The following RANBP9 variants were observed in gnomAD, a reference collection of about 807,000 sequenced individuals.
The protein encoded by RANBP9 is RAN binding protein 9, also known as ran-binding protein 9.
RANBP9 carries 15 observed loss-of-function variants against 84.3 expected under a neutral mutation model. That is an observed-to-expected ratio of 0.18 (90% confidence interval 0.12 to 0.27). The LOEUF (loss-of-function observed/expected upper bound fraction) is 0.27, where lower values mean the gene tolerates loss of function less well. Among genes scored for constraint, RANBP9 ranks in the 10% least tolerant of loss-of-function variants. RANBP9 has a pLI of 1.00. For synonymous variants in RANBP9, 392 were observed against 349.6 expected (o/e 1.12, Z -1.35); for missense variants, 809 against 912.8 (o/e 0.89, Z 1.46).
Position 13,711,388 on chromosome 6 carries a change from C to T in RANBP9, c.118G>A (p.Ala40Thr), listed in dbSNP as rs1317928870. The change falls in exon 1 of 14, where the codon GCC becomes ACC. Residue 40 changes from alanine (A) to threonine (T), a missense_variant. Coordinates refer to ENST00000011619, the MANE Select transcript of RANBP9 (RefSeq NM_005493.3). ...VSGVVLPAPP[A>T]VSAGSSPAGS... ...GCCGGAGAAGAGCCGGCGCTGACGG[C>T]CGGGGGCGCCGGCAGGACGACTCCG... is the stretch of plus-strand genomic sequence containing the variant. 50 of 1,175,842 alleles carry T rather than the reference C, an allele frequency of 4.3e-5. No individual in the cohort carries two copies. Among genetic ancestry groups the T allele is most frequent in the Admixed American group, 9.2e-5 (2 of 21,704 alleles). 72.8% of individuals were successfully genotyped at this position (1,175,842 alleles called of 1,614,324 possible).
chr6:13,711,646 G>T lies in RANBP9; in HGVS notation c.-141C>A. 1.4e-6 allele frequency: 1 copy of T among 719,018 alleles called. No individual in the cohort carries two copies. The highest frequency in any genetic ancestry group is 1.9e-6 in the Non-Finnish European group (1 of 538,682). The allele number at this position is 719,018 out of a possible 1,614,324, so 44.5% of individuals were successfully genotyped here. A position where few individuals can be genotyped will look rare whatever the true frequency, so the allele number is the denominator to read the frequency against. ...AAGCAGGCGGCGGGCCGCGCGCCCA[G>T]GGAGACCGCGGCGGTTGAGGAGCTC... On this transcript the variant is annotated 5_prime_UTR_variant, in exon 1 of 14. It adds an upstream start codon to the 5' untranslated region. Coordinates refer to ENST00000011619, the MANE Select transcript of RANBP9 (RefSeq NM_005493.3).
intron 2 of RANBP9, among the ~76,000 whole-genome samples, chr6:13,676,029 A>T (rs1171599040): frequency 3.9e-5 from 6 of 152,106 alleles, no homozygotes; most frequent in African/African-American, 9.7e-5. Flanking sequence ...GAAGAGGAAG[A>T]ACTCTGGTAA....
At position 13,711,476 on chromosome 6, in the gene RANBP9, C is replaced by G; in HGVS notation, c.30G>C (p.Pro10=). MSGQPPPPP[P]QQQQQQQQLS... ...GCTGCTGCTGCTGTTGCTGCTGCTG[C>G]GGCGGCGGCGGCGGCGGCTGCCCGG... Residue 10 remains proline (P), a synonymous_variant, in exon 1 of 14, where the codon CCG becomes CCC. Transcript: ENST00000011619. 2 of 1,208,158 alleles carry G rather than the reference C, an allele frequency of 1.7e-6. No individual in the cohort carries two copies. Among genetic ancestry groups the G allele is most frequent in the Non-Finnish European group, 2.1e-6 (2 of 971,208 alleles). 74.8% of individuals were successfully genotyped at this position (1,208,158 alleles called of 1,614,324 possible). A position where few individuals can be genotyped will look rare whatever the true frequency, so the allele number is the denominator to read the frequency against.
chr6:13,688,156 TGAGA>T (rs1174819686), intron 2 of RANBP9, among the ~76,000 whole-genome samples: 4 of 152,198 alleles, frequency 2.6e-5, no homozygotes, highest in Admixed American at 6.5e-5. Context: ...TTTCACAGAC[TGAGA>T]GAGTCTGTCA....
chr6:13,696,785 C>T lies in RANBP9; in HGVS notation c.683G>A (p.Gly228Asp). Residue 228 changes from glycine (G) to aspartate (D), a missense_variant and splice_region_variant, in exon 2 of 14, where the codon GGT (glycine) becomes GAT (aspartate). Transcript: ENST00000011619. ...ATTTTTCTCACCAAAATTTACTTAC[C>T]CATCTCTTCCCTTACTGACAATTTT... The part of the protein sequence containing the change: ...EVKIVSKGRD[G>D]YMGIGLSAQG... The T allele has an allele frequency of 6.3e-7, 1 of 1,596,822 alleles. No homozygotes were observed. Among genetic ancestry groups the T allele is most frequent in the Non-Finnish European group, 8.6e-7 (1 of 1,168,826 alleles).
chr6:13,637,094 T>TTCAAATAATGTCACTTTCAAATAATG (rs1215858161), intron 10 of RANBP9, among the ~76,000 whole-genome samples: 1 of 152,190 alleles, frequency 6.6e-6, no homozygotes, highest in Non-Finnish European at 1.5e-5. Context: ...TAGTATTTAA[T>TTCAAATAATGTCACTTTCAAATAATG]TCAAATAATG....
chr6:13,637,024 A>T (rs1188431043), intron 10 of RANBP9, among the ~76,000 whole-genome samples: 1 of 152,202 alleles, frequency 6.6e-6, no homozygotes, highest in East Asian at 1.9e-4. Context: ...CCAATATTAA[A>T]TTGACCCAGT....
intron 1 of RANBP9, among the ~76,000 whole-genome samples, chr6:13,707,479 A>G (rs1367905320): frequency 6.6e-6 from 1 of 152,194 alleles, no homozygotes; most frequent in Non-Finnish European, 1.5e-5. Flanking sequence ...AATCTCAACT[A>G]TTCTTTAAAA....
At chr6:13,640,765 T>TAG (rs1167785283) in intron 8 of RANBP9, among the ~76,000 whole-genome samples, 1 of 152,126 alleles carries the variant, frequency 6.6e-6, no homozygotes, top group African/African-American at 2.4e-5. Flanking sequence ...TAGTGTTTAA[T>TAG]AGAGAGTTTC....
chr6:13,643,327 T>C (rs1161178221), intron 6 of RANBP9, among the ~76,000 whole-genome samples: 3 of 152,204 alleles, frequency 2.0e-5, no homozygotes, highest in African/African-American at 7.2e-5. Flanking sequence ...TTAGAAAAAC[T>C]GGTGATGCAA....
intron 5 of RANBP9, among the ~76,000 whole-genome samples, chr6:13,645,121 C>A (rs984832658): frequency 1.3e-5 from 2 of 152,120 alleles, no homozygotes; most frequent in African/African-American, 4.8e-5. Context: ...ATATATGATA[C>A]ATTTCTATAA....
intron 2 of RANBP9, among the ~76,000 whole-genome samples, chr6:13,675,335 G>A (rs922692438): frequency 6.6e-6 from 1 of 152,066 alleles, no homozygotes; most frequent in African/African-American, 2.4e-5. Flanking sequence ...AATTAAACTA[G>A]AAATCAACAA....
chr6:13,701,089 C>CT (rs1261245612), intron 1 of RANBP9, among the ~76,000 whole-genome samples: 1 of 152,180 alleles, frequency 6.6e-6, no homozygotes, highest in Non-Finnish European at 1.5e-5. Context: ...TCCTCAAACT[C>CT]TTTGTGTTTT....
chr6:13,704,913 T>C (rs1043085832), intron 1 of RANBP9, among the ~76,000 whole-genome samples: 34 of 152,262 alleles, frequency 2.2e-4, no homozygotes, highest in African/African-American at 7.7e-4. Context: ...GCTCCTCCTA[T>C]TTTCCACAGT....
At chr6:13,642,867 T>A (rs182239868) in intron 6 of RANBP9, among the ~76,000 whole-genome samples, 9 of 152,210 alleles carry the variant, frequency 5.9e-5, no homozygotes, top group Non-Finnish European at 8.8e-5. Context: ...AATGACCTTT[T>A]CTTTGATTCT....
chr6:13,682,556 G>A (rs138244898), intron 2 of RANBP9, among the ~76,000 whole-genome samples: 2 of 151,950 alleles, frequency 1.3e-5, no homozygotes, highest in African/African-American at 2.4e-5. Context: ...GGGTTCAAGC[G>A]ATTCTCCAGC....
At chr6:13,638,648 T>A (rs373935895) in intron 9 of RANBP9, among the ~76,000 whole-genome samples, 2 of 151,822 alleles carry the variant, frequency 1.3e-5, no homozygotes, top group African/African-American at 4.8e-5. Context: ...ATCAGAAACA[T>A]TGCGAGACTC....
chr6:13,657,033 T>C (rs1765415089), intron 4 of RANBP9, 76 bp downstream of exon 4: 1 of 1,352,376 alleles, frequency 7.4e-7, no homozygotes, highest in Non-Finnish European at 1.0e-6. Flanking sequence ...AATCACATAA[T>C]AAATACAACT....
At chr6:13,623,123 TAA>T (rs1242252210) in intron 13 of RANBP9, among the ~76,000 whole-genome samples, 1 of 152,208 alleles carries the variant, frequency 6.6e-6, no homozygotes, top group African/African-American at 2.4e-5. Context: ...CTGCATATCA[TAA>T]GTTTCTTTGT....
Sources: allele counts gnomAD v4.1 joint callset (sites outside exome capture counted in the v4.1 genomes callset), GRCh38; gene constraint gnomAD v4.1.1; transcripts MANE v1.5; gene names NCBI Gene and HGNC (gene_info 2026-07-23, HGNC 2026-07-21).